The following MSRA variants were observed in gnomAD, a reference collection of about 807,000 sequenced individuals.
MSRA encodes the protein methionine sulfoxide reductase A, also known as mitochondrial peptide methionine sulfoxide reductase.
A neutral mutation model predicts 31.3 loss-of-function variants in MSRA; 54 were observed. The ratio of observed to expected loss-of-function variants is 1.73; its 90% CI spans 1.39 to 2.17. The LOEUF (loss-of-function observed/expected upper bound fraction) is 2.17. Ranked by LOEUF, MSRA falls within the 30% of genes most tolerant of loss-of-function variation. MSRA has a pLI of 0.00. For synonymous variants in MSRA, 169 were observed against 116.5 expected (o/e 1.45, Z -2.90); for missense variants, 507 against 300.9 (o/e 1.69, Z -5.07).
intron 5 of MSRA, among the ~76,000 whole-genome samples, chr8:10,327,906 C>G (rs1802457144): frequency 6.6e-6 from 1 of 151,986 alleles, no homozygotes; most frequent in South Asian, 2.1e-4. Context: ...GCACTCCAGC[C>G]TGGGCTCCGT....
intron 5 of MSRA, among the ~76,000 whole-genome samples, chr8:10,419,637 G>A (rs1222006654): frequency 1.3e-5 from 2 of 152,162 alleles, no homozygotes; most frequent in South Asian, 2.1e-4. Context: ...TGCTTAAAAC[G>A]CAAATGCTGC....
intron 3 of MSRA, among the ~76,000 whole-genome samples, chr8:10,293,532 C>A (rs1468402553): frequency 3.9e-5 from 6 of 152,314 alleles, no homozygotes; most frequent in Admixed American, 1.3e-4. Context: ...AGTCCAGCCT[C>A]CCCCACTTGA....
intron 1 of MSRA, among the ~76,000 whole-genome samples, chr8:10,188,951 AT>A (rs1264173774): frequency 6.6e-6 from 1 of 152,218 alleles, no homozygotes; most frequent in African/African-American, 2.4e-5. Context: ...CTACAGATTA[AT>A]TTGGAAGATA....
intron 1 of MSRA, among the ~76,000 whole-genome samples, chr8:10,124,667 G>A (rs1801373726): frequency 6.6e-6 from 1 of 152,162 alleles, no homozygotes; most frequent in African/African-American, 2.4e-5. Context: ...ATTATAGTAT[G>A]CCTTGCCATT....
At chr8:10,370,060 T>C (rs553841845) in intron 5 of MSRA, among the ~76,000 whole-genome samples, 3 of 152,374 alleles carry the variant, frequency 2.0e-5, no homozygotes, top group South Asian at 2.1e-4. Flanking sequence ...TATAAACTTT[T>C]GTTTTGCCAT....
At chr8:10,197,254 C>G (rs1808073671) in intron 1 of MSRA, among the ~76,000 whole-genome samples, 1 of 152,146 alleles carries the variant, frequency 6.6e-6, no homozygotes, top group Non-Finnish European at 1.5e-5. Context: ...ATATTATATG[C>G]TTATCACAGA....
intron 2 of MSRA, among the ~76,000 whole-genome samples, chr8:10,219,290 C>T (rs1810273796): frequency 6.6e-6 from 1 of 152,182 alleles, no homozygotes; most frequent in Non-Finnish European, 1.5e-5. Flanking sequence ...AGACACTCCC[C>T]AGAGTGGATT....
intron 1 of MSRA, chr8:10,095,972 A>G: frequency 7.2e-7 from 1 of 1,390,842 alleles, no homozygotes; most frequent in Non-Finnish European, 9.4e-7. Flanking sequence ...TCTACAAAAT[A>G]AAGTTTGTTC....
intron 5 of MSRA, among the ~76,000 whole-genome samples, chr8:10,417,793 C>CGTGTGTGTGTGTGT (rs1394839720): frequency 3.1e-5 from 2 of 64,328 alleles, no homozygotes; most frequent in Non-Finnish European, 3.1e-5. Flanking sequence ...TGTACACGCA[C>CGTGTGTGTGTGTGT]GTGTGCACAC....
chr8:10,417,889 C>T (rs1164583256), intron 5 of MSRA, among the ~76,000 whole-genome samples: 1 of 151,838 alleles, frequency 6.6e-6, no homozygotes. Flanking sequence ...AGGTAGGAAC[C>T]AAGTGAAGTG....
At chr8:10,250,745 C>A (rs1211385274) in intron 3 of MSRA, 1 of 459,602 alleles carries the variant, frequency 2.2e-6, no homozygotes, top group Non-Finnish European at 3.9e-6. Context: ...TATTTACTGT[C>A]AGGTGCTTAT....
intron 2 of MSRA, among the ~76,000 whole-genome samples, chr8:10,234,575 A>C (rs1811788337): frequency 6.6e-6 from 1 of 152,136 alleles, no homozygotes; most frequent in African/African-American, 2.4e-5. Context: ...AGAAAACACA[A>C]AATGAGGTTA....
At chr8:10,091,788 G>T (rs941849208) in intron 1 of MSRA, among the ~76,000 whole-genome samples, 1 of 152,076 alleles carries the variant, frequency 6.6e-6, no homozygotes, top group Non-Finnish European at 1.5e-5. Flanking sequence ...TGTAGTTTTA[G>T]TAGAGGTGGG....
At chr8:10,136,019 C>T (rs1465607829) in intron 1 of MSRA, among the ~76,000 whole-genome samples, 2 of 151,720 alleles carry the variant, frequency 1.3e-5, no homozygotes, top group African/African-American at 4.8e-5. Context: ...ACCTGCATGT[C>T]GGGTGAGTTA....
At chr8:10,306,669 C>T (rs142863248) in intron 4 of MSRA, among the ~76,000 whole-genome samples, 213 of 152,304 alleles carry the variant, frequency 1.4e-3, no homozygotes, top group African/African-American at 4.4e-3. Flanking sequence ...AGGTTCCCAG[C>T]ATTTCATGGC....
chr8:10,320,078 A>G (rs770551385), intron 5 of MSRA, 89 bp downstream of exon 5: 13 of 761,162 alleles, frequency 1.7e-5, no homozygotes, highest in Non-Finnish European at 2.7e-5. Context: ...CTGCTTTTCA[A>G]CTGGAATTGT....
intron 1 of MSRA, among the ~76,000 whole-genome samples, chr8:10,123,161 C>T (rs1342938888): frequency 2.0e-5 from 3 of 152,224 alleles, no homozygotes; most frequent in Non-Finnish European, 4.4e-5. Flanking sequence ...TAAGTGTTTT[C>T]TTCTCTTCAC....
chr8:10,131,244 A>G (rs1265323780), intron 1 of MSRA, among the ~76,000 whole-genome samples: 1 of 152,196 alleles, frequency 6.6e-6, no homozygotes, highest in Non-Finnish European at 1.5e-5. Context: ...CCACAGTGCA[A>G]AGTATAGAAG....
intron 5 of MSRA, among the ~76,000 whole-genome samples, chr8:10,348,528 C>T (rs752461551): frequency 1.1e-4 from 16 of 151,800 alleles, no homozygotes; most frequent in Non-Finnish European, 2.2e-4. Context: ...CGCCACCATG[C>T]CCGGCTAATT....
Sources: gnomAD v4.1 joint callset for allele counts (sites outside exome capture counted in the v4.1 genomes callset) on GRCh38, gnomAD v4.1.1 for gene constraint, MANE v1.5 for transcripts, NCBI Gene and HGNC (gene_info 2026-07-23, HGNC 2026-07-21) for gene names.